Variants in SHISA9 observed in about 807,000 individuals in gnomAD.
The protein encoded by SHISA9 is shisa family member 9.
A neutral mutation model predicts 38.0 loss-of-function variants in SHISA9; 13 were observed. The ratio of observed to expected loss-of-function variants is 0.34; its 90% CI spans 0.22 to 0.54. The LOEUF (loss-of-function observed/expected upper bound fraction) is 0.54. SHISA9 is among the 20% of genes least tolerant of loss of function. The pLI, the probability that SHISA9 is intolerant of heterozygous loss-of-function variation, is 0.91. For missense variants in SHISA9, 538 were observed against 575.8 expected (o/e 0.93, Z 0.67); for synonymous variants, 275 against 242.0 (o/e 1.14, Z -1.27).
the SHISA9 span, among the ~76,000 whole-genome samples, chr16:13,422,131 A>G: frequency 6.6e-6 from 1 of 152,176 alleles, no homozygotes; most frequent in Non-Finnish European, 1.5e-5. Flanking sequence ...GGTCACCTCC[A>G]AGGACCAACC....
chr16:13,133,133 T>C (rs893435228), intron 2 of SHISA9, among the ~76,000 whole-genome samples: 1 of 152,074 alleles, frequency 6.6e-6, no homozygotes, highest in Non-Finnish European at 1.5e-5. Flanking sequence ...CGTAGACAAA[T>C]AAGGTGAGCA....
At chr16:13,476,668 C>T in the SHISA9 span, among the ~76,000 whole-genome samples, 1 of 151,872 alleles carries the variant, frequency 6.6e-6, no homozygotes, top group African/African-American at 2.4e-5. Context: ...GACCCTCCCT[C>T]CCATCCCACT....
intron 2 of SHISA9, among the ~76,000 whole-genome samples, chr16:13,154,053 G>A (rs938002326): frequency 1.3e-5 from 2 of 152,050 alleles, no homozygotes; most frequent in African/African-American, 4.8e-5. Context: ...ATTTTGGCAG[G>A]GAGATAATTG....
At chr16:13,032,080 G>A (rs905937016) in intron 2 of SHISA9, among the ~76,000 whole-genome samples, 6 of 151,672 alleles carry the variant, frequency 4.0e-5, no homozygotes, top group Non-Finnish European at 8.8e-5. Flanking sequence ...ATAGGTATAC[G>A]TGTGCCATGG....
At chr16:12,973,374 C>T (rs866638892) in intron 2 of SHISA9, among the ~76,000 whole-genome samples, 10 of 152,186 alleles carry the variant, frequency 6.6e-5, no homozygotes, top group Non-Finnish European at 8.8e-5. Flanking sequence ...CCTGTTGTTT[C>T]GCTGGAGAGT....
chr16:13,214,524 G>A (rs550133040), intron 4 of SHISA9, among the ~76,000 whole-genome samples: 1 of 152,198 alleles, frequency 6.6e-6, no homozygotes, highest in East Asian at 1.9e-4. Flanking sequence ...TCTTTAATGA[G>A]CTCGAACTGG....
chr16:12,986,466 A>G lies in SHISA9; in HGVS notation c.691+69651A>G, dbSNP rs149739735. 5.9e-3 allele frequency among the ~76,000 whole-genome samples: 896 copies of G among 152,324 alleles called. 10 individuals carry two copies. Among genetic ancestry groups the G allele is most frequent in the African/African-American group, 0.021 (858 of 41,568 alleles). On this transcript the variant is annotated intron_variant, in intron 2 of 4. Transcript: ENST00000558583. ...GTTTTGTGGAGCGGTAATTAAAATA[A>G]TGGAAGTGTCCATCTTGATTCTCAA...
At chr16:12,945,513 T>TA (rs1330562365) in intron 2 of SHISA9, among the ~76,000 whole-genome samples, 1 of 152,182 alleles carries the variant, frequency 6.6e-6, no homozygotes, top group Non-Finnish European at 1.5e-5. Context: ...AAAAAATCCT[T>TA]AAAGGAGACA....
intron 2 of SHISA9, among the ~76,000 whole-genome samples, chr16:13,078,146 C>G (rs2073605033): frequency 6.6e-6 from 1 of 152,122 alleles, no homozygotes; most frequent in Non-Finnish European, 1.5e-5. Flanking sequence ...AGAAAAATAG[C>G]AAATGTGTAC....
rs567953215 is a variant in SHISA9 at position 13,105,840 on chromosome 16, A to T, written c.692-97554A>T. On this transcript the variant is annotated intron_variant, in intron 2 of 4. Transcript: ENST00000558583. ...GCCGGGGTACAGAGCTTCTAGGTTG[A>T]GGAACATTGAGCATGTTGAAGTTGA... 3.3e-5 allele frequency among the ~76,000 whole-genome samples: 5 copies of T among 152,312 alleles called. No homozygotes were observed. In the South Asian group the frequency reaches 1.0e-3, roughly 32 times the overall value.
intron 2 of SHISA9, among the ~76,000 whole-genome samples, chr16:13,111,757 GA>G (rs1372549111): frequency 1.3e-5 from 2 of 152,100 alleles, no homozygotes; most frequent in Non-Finnish European, 2.9e-5. Context: ...ATGCAGTATT[GA>G]ATTGCCTCTC....
chr16:13,108,029 T>C (rs915114526), intron 2 of SHISA9, among the ~76,000 whole-genome samples: 12 of 152,092 alleles, frequency 7.9e-5, no homozygotes, highest in Admixed American at 6.6e-5. Flanking sequence ...TGTAATATGT[T>C]AGGTGGTGAT....
intron 2 of SHISA9, among the ~76,000 whole-genome samples, chr16:13,179,752 A>G (rs753857275): frequency 6.6e-6 from 1 of 152,250 alleles, no homozygotes; most frequent in Non-Finnish European, 1.5e-5. Context: ...TGACCCCATG[A>G]GAAAATTAAA....
chr16:13,400,581 C>A, the SHISA9 span, among the ~76,000 whole-genome samples: 1 of 152,162 alleles, frequency 6.6e-6, no homozygotes, highest in Admixed American at 6.5e-5. Context: ...AGCCACAGCT[C>A]CCCTTACCTT....
chr16:13,234,896 T>C, intron 4 of SHISA9, 134 bp from the exon 5 acceptor site: 1 of 1,009,506 alleles, frequency 9.9e-7, no homozygotes, highest in Non-Finnish European at 1.4e-6. Context: ...GTTTCTAGTG[T>C]GTCTTGTTTG....
intron 4 of SHISA9, among the ~76,000 whole-genome samples, chr16:13,223,601 C>T (rs1035999387): frequency 3.9e-5 from 6 of 152,110 alleles, no homozygotes; most frequent in East Asian, 1.9e-4. Flanking sequence ...AAAACCAACA[C>T]GTTGGTTCTT....
chr16:13,555,835 C>G, the SHISA9 span, among the ~76,000 whole-genome samples: 1 of 151,648 alleles, frequency 6.6e-6, no homozygotes, highest in Non-Finnish European at 1.5e-5. Context: ...CTATCCACCT[C>G]TCAGCCCCAC....
chr16:13,413,612 C>T, the SHISA9 span, among the ~76,000 whole-genome samples: 489 of 151,852 alleles, frequency 3.2e-3, 2 homozygotes, highest in African/African-American at 0.011. Context: ...AAAAATTAGG[C>T]GGGCGTGGTG....
At chr16:13,225,960 T>A (rs989009074) in intron 4 of SHISA9, among the ~76,000 whole-genome samples, 1 of 152,236 alleles carries the variant, frequency 6.6e-6, no homozygotes, top group Non-Finnish European at 1.5e-5. Context: ...AGGGCCAGTG[T>A]TGTTGAAAGG....
Sources: allele counts gnomAD v4.1 joint callset (sites outside exome capture counted in the v4.1 genomes callset), GRCh38; gene constraint gnomAD v4.1.1; transcripts MANE v1.5; gene names NCBI Gene and HGNC (gene_info 2026-07-23, HGNC 2026-07-21).